DLG4: variants seen among roughly 807,000 people sequenced by gnomAD.
The protein encoded by DLG4 is discs large MAGUK scaffold protein 4.
A neutral mutation model predicts 93.8 loss-of-function variants in DLG4; 7 were observed. The ratio of observed to expected loss-of-function variants is 0.07; its 90% confidence interval spans 0.04 to 0.14. DLG4 has a LOEUF of 0.14. DLG4 is among the 10% of genes least tolerant of loss of function. The pLI, the probability that DLG4 is intolerant of heterozygous loss-of-function variation, is 1.00. For missense variants in DLG4, 545 were observed against 992.9 expected (o/e 0.55, Z 6.06); for synonymous variants, 341 against 387.6 (o/e 0.88, Z 1.41).
chr17:7,216,526 T>C (rs776348714), intron 1 of DLG4, among the ~76,000 whole-genome samples: 3 of 152,108 alleles, frequency 2.0e-5, no homozygotes, highest in African/African-American at 4.8e-5. Flanking sequence ...ACCTCCATTC[T>C]ATATGACTGA....
rs2069718062 is a variant in DLG4, at chr17:7,195,316, G to T, written c.1302-821C>A. Among the ~76,000 whole-genome samples the T allele has an allele frequency of 6.6e-6, 1 of 152,124 alleles. No individual in the cohort carries two copies. The highest frequency in any genetic ancestry group is 2.4e-5 in the African/African-American group (1 of 41,426). ...TGACAACCAGATGACATTCCGCCTG[G>T]GAGCCACTACACAACCTCTGTGGTC... On this transcript the variant is annotated intron_variant, in intron 11 of 19. Coordinates refer to ENST00000399506, the MANE Select transcript of DLG4 (RefSeq NM_001321075.3). This position sits in a 1 kb window ranked among gnomAD's most constrained non-coding sequence, Gnocchi z 4.3.
chr17:7,211,538 T>C, intron 1 of DLG4: 7 of 256,514 alleles, frequency 2.7e-5, no homozygotes, highest in Non-Finnish European at 4.2e-5. Context: ...CACGAGAAGT[T>C]GCAACCCAGA....
At chr17:7,205,546 C>G (rs931402076) in intron 2 of DLG4, among the ~76,000 whole-genome samples, 1 of 152,152 alleles carries the variant, frequency 6.6e-6, no homozygotes, top group Admixed American at 6.5e-5. Flanking sequence ...TGCTATTTCT[C>G]AAGCCTACAA....
Position 7,191,282 on chromosome 17 carries a change from T to G in DLG4, c.2053A>C (p.Thr685Pro). 1 of 1,613,944 alleles carries G rather than the reference T, an allele frequency of 6.2e-7. No homozygotes were observed. Residue 685 changes from threonine (T) to proline (P), a missense_variant, in exon 19 of 20, where the codon ACA (threonine) becomes CCA (proline). Physicochemically the swap from Thr to Pro is conservative, Grantham distance 38 (BLOSUM62 -1). Around this residue, in one of 5 missense-constraint regions of DLG4, gnomAD observed 428 missense variants for 741.4 expected, o/e 0.58. Transcript: ENST00000399506. The surrounding 1 kb of genome is among the most constrained non-coding windows in gnomAD (Gnocchi z 6.6). ...DRATKLEQEF[T>P]ECFSAIVEGD... Reference sequence around the variant, plus strand: ...GTGGCCTCACCTGAGAAGCACTCTGTGAACTCCTGCTCCAGCTTGGTGGCT... The same window carrying G: ...GTGGCCTCACCTGAGAAGCACTCTGGGAACTCCTGCTCCAGCTTGGTGGCT...
rs563590696 is a variant in DLG4, at chr17:7,189,219, C to T, written c.*1489G>A. ...GTAAAGATCATTTCCAGGCCAGGCGCGGTGGCTCACGCCTGTAATCCCAGC... is the reference window on the plus strand; with the variant it reads ...GTAAAGATCATTTCCAGGCCAGGCGTGGTGGCTCACGCCTGTAATCCCAGC... On this transcript the variant is annotated 3_prime_UTR_variant, in exon 20 of 20. Coordinates refer to ENST00000399506, the MANE Select transcript of DLG4 (RefSeq NM_001321075.3). Among the ~76,000 whole-genome samples, 78 of 151,184 alleles carry T rather than the reference C, an allele frequency of 5.2e-4. No homozygotes were observed. Among genetic ancestry groups the T allele is most frequent in the Middle Eastern group, 3.5e-3 (1 of 288 alleles).
rs934704808 is a variant in DLG4, at chr17:7,187,705, G to C, written c.*3003C>G. ...TCCTAGATTTCTCCCTTCAGCTCAC[G>C]ATAGAGAACGTTATCACAGCCTCAA... On this transcript the variant is annotated 3_prime_UTR_variant, in exon 20 of 20. Transcript: ENST00000399506. 2.6e-5 allele frequency among the ~76,000 whole-genome samples: 4 copies of C among 151,970 alleles called. No individual in the cohort carries two copies. The highest frequency in any genetic ancestry group is 4.4e-5 in the Non-Finnish European group (3 of 68,032).
intron 8 of DLG4, among the ~76,000 whole-genome samples, chr17:7,198,878 T>C (rs1469146467): frequency 1.4e-5 from 2 of 140,496 alleles, no homozygotes; most frequent in African/African-American, 5.4e-5. Flanking sequence ...TAGCTGAGCA[T>C]GATGGCACTC....
rs1272782456 is a variant in DLG4 at position 7,188,200 on chromosome 17, G to A, written c.*2508C>T. Among the ~76,000 whole-genome samples the A allele has an allele frequency of 1.3e-5, 2 of 152,152 alleles. No individual in the cohort carries two copies. Among genetic ancestry groups the A allele is most frequent in the Non-Finnish European group, 2.9e-5 (2 of 68,032 alleles). On this transcript the variant is annotated 3_prime_UTR_variant, in exon 20 of 20. Coordinates refer to ENST00000399506, the MANE Select transcript of DLG4 (RefSeq NM_001321075.3). ...CCAGGATCCTGATGGACTCGGTCCTGCATAGAAAATCCTGCAGGGCAATAC... is the reference window on the plus strand; with the variant it reads ...CCAGGATCCTGATGGACTCGGTCCTACATAGAAAATCCTGCAGGGCAATAC...
intron 1 of DLG4, among the ~76,000 whole-genome samples, chr17:7,209,784 GC>G (rs1321537259): frequency 6.6e-6 from 1 of 151,984 alleles, no homozygotes. Context: ...AGAGAGAGAG[GC>G]CAGGAGCAGT....
upstream of DLG4, chr17:7,217,852 A>G (rs773381943): frequency 2.0e-6 from 3 of 1,528,366 alleles, no homozygotes; most frequent in South Asian, 3.6e-5. Flanking sequence ...GGAAGCATCT[A>G]TAGTTGGGCT....
rs575482895 is a variant in DLG4 at position 7,197,631 on chromosome 17, C to T, written c.788-579G>A. Among the ~76,000 whole-genome samples, 56 of 152,062 alleles carry T rather than the reference C, an allele frequency of 3.7e-4. No homozygotes were observed. In the South Asian group the frequency reaches 3.9e-3, roughly 11 times the overall value. On this transcript the variant is annotated intron_variant, in intron 8 of 19. Transcript: ENST00000399506. ...TCCCAAGTAGCTGGGATTACAGGCG[C>T]GCGCCACCATGCCCAGCTAATTTTT...
In DLG4 at chr17:7,190,857, A is replaced by G. The variant is rs750825542; in HGVS notation, c.2069-43T>C. The G allele has an allele frequency of 1.9e-6, 3 of 1,552,738 alleles. No homozygotes were observed. In the East Asian group the frequency reaches 6.7e-5, roughly 35 times the overall value. On this transcript the variant is annotated intron_variant, in intron 19 of 19. Transcript: ENST00000399506. ...CAGGGAGTGAGGCCAAGGAAGGGCCAGAGGACACCTGGCCAAGGGGGTTGC... is the reference window on the plus strand; with the variant it reads ...CAGGGAGTGAGGCCAAGGAAGGGCCGGAGGACACCTGGCCAAGGGGGTTGC...
intron 8 of DLG4, among the ~76,000 whole-genome samples, chr17:7,197,498 T>G (rs2069856628): frequency 1.3e-5 from 2 of 151,866 alleles, no homozygotes; most frequent in South Asian, 2.1e-4. Context: ...ATTCTTTTGT[T>G]TTTTTGGGGT....
Position 7,203,642 on chromosome 17 carries a change from C to A in DLG4, c.336-49G>T. On this transcript the variant is annotated intron_variant, in intron 5 of 19. Coordinates refer to ENST00000399506, the MANE Select transcript of DLG4 (RefSeq NM_001321075.3). The surrounding 1 kb of genome is among the most constrained non-coding windows in gnomAD (Gnocchi z 7.2). The stretch of plus-strand genomic sequence containing the variant: ...AGCCAAGAGCTTCCTGCTGCCCTGG[C>A]CCTCCCTCTCCAGGGACCAAGCAAC... 2.5e-6 allele frequency: 4 copies of A among 1,610,798 alleles called. No homozygotes were observed. Among genetic ancestry groups the A allele is most frequent in the Non-Finnish European group, 2.5e-6 (3 of 1,177,380 alleles).
intron 2 of DLG4, 62 bp from the exon 3 acceptor site, chr17:7,204,314 C>T: frequency 2.0e-6 from 3 of 1,482,660 alleles, no homozygotes; most frequent in Non-Finnish European, 2.7e-6. Context: ...GAGCCCATAA[C>T]GGAGGGTCCC....
chr17:7,207,423 G>A (rs575677231), intron 2 of DLG4, among the ~76,000 whole-genome samples: 1 of 152,196 alleles, frequency 6.6e-6, no homozygotes, highest in South Asian at 2.1e-4. Flanking sequence ...GAGCAAAGCT[G>A]GGGCAGGGGA....
intron 2 of DLG4, chr17:7,207,954 C>G (rs971798732): frequency 6.6e-6 from 6 of 910,384 alleles, no homozygotes; most frequent in Non-Finnish European, 8.5e-6. Flanking sequence ...CCCAAACCCC[C>G]GCCCCCAGTC....
chr17:7,194,278 A>T lies in DLG4; in HGVS notation c.1478+41T>A. ...CACCCCGGGGGACCTTGGGAACTTC[A>T]GTGCCTGTGGCAGGAAGGCTACAGA... is the stretch of plus-strand genomic sequence containing the variant. On this transcript the variant is annotated intron_variant, in intron 12 of 19. Transcript: ENST00000399506. The surrounding 1 kb of genome is among the most constrained non-coding windows in gnomAD (Gnocchi z 4.4). 1 of 1,577,238 alleles carries T rather than the reference A, an allele frequency of 6.3e-7. No homozygotes were observed. Among genetic ancestry groups the T allele is most frequent in the South Asian group, 1.2e-5 (1 of 86,086 alleles).
chr17:7,204,424 C>T (rs898260017), intron 2 of DLG4, 172 bp from the exon 3 acceptor site: 1 of 632,264 alleles, frequency 1.6e-6, no homozygotes, highest in Non-Finnish European at 2.8e-6. Flanking sequence ...CACACGCACA[C>T]GCGTGCACAT....
Sources: allele counts gnomAD v4.1 joint callset (sites outside exome capture counted in the v4.1 genomes callset), GRCh38; gene constraint gnomAD v4.1.1; regional missense constraint gnomAD v4.1.1; non-coding constraint Gnocchi (gnomAD v3.1); transcripts MANE v1.5; gene names NCBI Gene and HGNC (gene_info 2026-07-23, HGNC 2026-07-21).